ESRRG: variants seen among roughly 807,000 people sequenced by gnomAD.
The protein encoded by ESRRG is estrogen related receptor gamma, also known as estrogen-related receptor gamma.
In ESRRG, 13 loss-of-function variants were observed where a neutral mutation model predicts 44.0. The observed-to-expected ratio is 0.30, with a 90% CI of 0.19 to 0.47. ESRRG has a LOEUF of 0.47. Ranked by LOEUF, ESRRG falls within the 20% of genes least tolerant of loss-of-function variation. ESRRG has a pLI of 1.00. For synonymous variants in ESRRG, 215 were observed against 214.6 expected, an observed-to-expected ratio of 1.00 and a Z score of -0.02; for missense variants, 395 against 580.6, an observed-to-expected ratio of 0.68 and a Z score of 3.29.
intron 2 of ESRRG, among the ~76,000 whole-genome samples, chr1:216,892,040 T>C (rs1156429681): frequency 6.6e-6 from 1 of 152,042 alleles, no homozygotes; most frequent in Non-Finnish European, 1.5e-5. Context: ...CTCCTGACCT[T>C]GTGATCCTCC....
chr1:216,807,355 A>G (rs1173159842), intron 2 of ESRRG, among the ~76,000 whole-genome samples: 2 of 152,156 alleles, frequency 1.3e-5, no homozygotes, highest in Admixed American at 6.5e-5. Flanking sequence ...CAGGTCTGAT[A>G]GTCATATTAG....
At chr1:216,786,444 C>A (rs1053874192) in intron 2 of ESRRG, among the ~76,000 whole-genome samples, 2 of 151,718 alleles carry the variant, frequency 1.3e-5, no homozygotes, top group South Asian at 2.1e-4. Context: ...AAGCTCTGGA[C>A]TAGTAAATGT....
rs1430754044 is a variant in ESRRG, at chr1:216,505,940, G to C, written c.*999C>G. The C allele has an allele frequency of 2.0e-5, 3 of 152,550 alleles. No individual in the cohort carries two copies. The highest frequency in any genetic ancestry group is 2.9e-5 in the Non-Finnish European group (2 of 68,022). 9.4% of individuals were successfully genotyped at this position (152,550 alleles called of 1,614,324 possible). ...AACATTTTTAAAAATCTTCCTTCAG[G>C]ATTCATTTGTCCTTCATTATTGTTC... On this transcript the variant is annotated 3_prime_UTR_variant, in exon 7 of 7. Coordinates refer to ENST00000408911, the MANE Select transcript of ESRRG (RefSeq NM_001438.4).
At chr1:216,723,185 C>A in intron 1 of ESRRG, 59 bp downstream of exon 1, 1 of 1,315,732 alleles carries the variant, frequency 7.6e-7, no homozygotes, top group Non-Finnish European at 1.1e-6. Flanking sequence ...TATAGTCTGT[C>A]CGCCCCCACC....
At chr1:216,528,700 A>T (rs992865214) in intron 5 of ESRRG, among the ~76,000 whole-genome samples, 1 of 152,126 alleles carries the variant, frequency 6.6e-6, no homozygotes, top group African/African-American at 2.4e-5. Context: ...GGAGCTTCTC[A>T]TGAGAACATT....
In ESRRG at chr1:216,560,312, G is replaced by T. The variant is rs1291534721; in HGVS notation, c.862+3907C>A. On this transcript the variant is annotated intron_variant, in intron 5 of 6. Transcript: ENST00000408911. Reference sequence around the variant, plus strand: ...GAGCAAAGTCCTCCTTCTTCAATGGGTAATTATTTAATTTGTCACGTTAAA... The same window carrying T: ...GAGCAAAGTCCTCCTTCTTCAATGGTTAATTATTTAATTTGTCACGTTAAA... 2.0e-5 allele frequency among the ~76,000 whole-genome samples: 3 copies of T among 152,068 alleles called. No individual in the cohort carries two copies. The East Asian group carries it at 5.8e-4, about 29-fold the overall frequency.
intron 1 of ESRRG, among the ~76,000 whole-genome samples, chr1:217,049,487 A>C (rs1465416940): frequency 6.6e-6 from 1 of 152,226 alleles, no homozygotes; most frequent in Non-Finnish European, 1.5e-5. Flanking sequence ...TTCTTGGAAA[A>C]GAGAAGATAT....
intron 5 of ESRRG, among the ~76,000 whole-genome samples, chr1:216,553,097 C>A (rs868284309): frequency 6.0e-5 from 9 of 150,362 alleles, no homozygotes; most frequent in Non-Finnish European, 8.9e-5. Context: ...AGAATAAGAG[C>A]AGCTTGACTT....
chr1:216,506,907 AT>A lies in ESRRG; in HGVS notation c.*31del. ...TTGGGTTTATTTTCCCTTTTTCAAC[AT>A]GAAGGATGGGAAGGCCCAGGGAGCT... On this transcript the variant is annotated 3_prime_UTR_variant, in exon 7 of 7. Coordinates refer to ENST00000408911, the MANE Select transcript of ESRRG (RefSeq NM_001438.4). 1 of 1,589,764 alleles carries A rather than the reference AT, an allele frequency of 6.3e-7. No individual in the cohort carries two copies. The highest frequency in any genetic ancestry group is 8.5e-7 in the Non-Finnish European group (1 of 1,170,606).
chr1:216,667,456 C>T (rs1932495), intron 2 of ESRRG, among the ~76,000 whole-genome samples: 31,512 of 151,746 alleles, frequency 0.21, 4,195 homozygotes, highest in Non-Finnish European at 0.3. Context: ...GAGACCAAGG[C>T]GGGTGGATCA....
At chr1:216,896,281 G>A (rs2058406147) in intron 2 of ESRRG, among the ~76,000 whole-genome samples, 1 of 152,126 alleles carries the variant, frequency 6.6e-6, no homozygotes, top group Non-Finnish European at 1.5e-5. Flanking sequence ...CAGGGCCATT[G>A]CAATTTTTCA....
chr1:216,938,688 G>A (rs1578389840), intron 2 of ESRRG, among the ~76,000 whole-genome samples: 1 of 152,294 alleles, frequency 6.6e-6, no homozygotes, highest in East Asian at 1.9e-4. Context: ...CATTGGCAGT[G>A]AGTGCACAGG....
chr1:217,033,896 A>G lies in ESRRG; in HGVS notation c.-106+55611T>C, dbSNP rs572305348. 9.8e-5 allele frequency among the ~76,000 whole-genome samples: 15 copies of G among 152,334 alleles called. No homozygotes were observed. In the East Asian group the frequency reaches 2.7e-3, roughly 27 times the overall value. The stretch of plus-strand genomic sequence containing the variant: ...TGTGAACTCCATACTTAAAGAGTTT[A>G]AATACGTTCGTTAAAGCTATGCAGT... On this transcript the variant is annotated intron_variant, in intron 1 of 7. Coordinates refer to the ESRRG transcript ENST00000359162.
intron 1 of ESRRG, among the ~76,000 whole-genome samples, chr1:217,070,386 A>AT (rs71303006): frequency 0.17 from 24,593 of 147,850 alleles, 2,052 homozygotes; most frequent in Middle Eastern, 0.26. Context: ...TCCAAAGTTA[A>AT]TTTTTTTTTT....
intron 1 of ESRRG, among the ~76,000 whole-genome samples, chr1:216,689,630 T>C (rs1348177990): frequency 6.6e-6 from 1 of 152,130 alleles, no homozygotes; most frequent in East Asian, 1.9e-4. Flanking sequence ...AAAAGCCTGA[T>C]TTTTAAGAGA....
upstream of ESRRG, among the ~76,000 whole-genome samples, chr1:217,090,810 CT>C (rs1184905676): frequency 6.6e-6 from 1 of 152,042 alleles, no homozygotes; most frequent in African/African-American, 2.4e-5. Context: ...AGCAGGAAAA[CT>C]TTTTTTTAAT....
At chr1:217,090,266 C>T (rs1007482986), upstream of ESRRG, among the ~76,000 whole-genome samples, 3 of 152,026 alleles carry the variant, frequency 2.0e-5, no homozygotes, top group Non-Finnish European at 4.4e-5. Flanking sequence ...CCCTTTTGAC[C>T]GTCACCAATC....
intron 2 of ESRRG, among the ~76,000 whole-genome samples, chr1:216,812,706 T>C (rs1410885989): frequency 6.6e-6 from 1 of 152,196 alleles, no homozygotes; most frequent in Non-Finnish European, 1.5e-5. Context: ...TAATCCACCC[T>C]GTTTTCTCCA....
chr1:216,996,640 T>C (rs1402484350), intron 1 of ESRRG, among the ~76,000 whole-genome samples: 1 of 152,190 alleles, frequency 6.6e-6, no homozygotes, highest in Non-Finnish European at 1.5e-5. Flanking sequence ...CCACGTTGTA[T>C]ATTCATAATA....
Sources: gnomAD v4.1 joint callset for allele counts (sites outside exome capture counted in the v4.1 genomes callset) on GRCh38, gnomAD v4.1.1 for gene constraint, MANE v1.5 for transcripts, NCBI Gene and HGNC (gene_info 2026-07-23, HGNC 2026-07-21) for gene names.